CDH13: variants seen among roughly 807,000 people sequenced by gnomAD.
CDH13 encodes the protein cadherin-13.
In CDH13, 24 loss-of-function variants were observed where a neutral mutation model predicts 63.8. That is an observed-to-expected ratio of 0.38 (90% CI 0.27 to 0.53). CDH13 has a LOEUF of 0.53. Ranked by LOEUF, CDH13 falls within the 20% of genes least tolerant of loss-of-function variation. CDH13 has a pLI of 0.85. For synonymous variants in CDH13, 503 were observed against 355.3 expected, an observed-to-expected ratio of 1.42 and a Z score of -4.67; for missense variants, 1,049 against 903.1, an observed-to-expected ratio of 1.16 and a Z score of -2.07.
intron 5 of CDH13, among the ~76,000 whole-genome samples, chr16:83,315,766 A>G (rs781656302): frequency 3.9e-5 from 6 of 152,102 alleles, no homozygotes; most frequent in African/African-American, 1.4e-4. Context: ...CCATCAATTT[A>G]TATCTAAATT....
intron 5 of CDH13, among the ~76,000 whole-genome samples, chr16:83,229,466 T>C (rs1477137915): frequency 6.6e-6 from 1 of 152,178 alleles, no homozygotes; most frequent in Non-Finnish European, 1.5e-5. Context: ...CAAGTAAATA[T>C]TCTCTCTTAA....
intron 6 of CDH13, among the ~76,000 whole-genome samples, chr16:83,388,519 G>A (rs1257092640): frequency 2.6e-5 from 4 of 152,072 alleles, no homozygotes; most frequent in African/African-American, 9.7e-5. Context: ...GTTTGGAGGT[G>A]GCACCATGGG....
At chr16:83,250,575 G>A (rs1905403322) in intron 5 of CDH13, among the ~76,000 whole-genome samples, 1 of 152,130 alleles carries the variant, frequency 6.6e-6, no homozygotes, top group Non-Finnish European at 1.5e-5. Context: ...GCACTGAGAC[G>A]CACCCAGTCG....
chr16:83,592,047 A>C (rs1906809772), intron 7 of CDH13, among the ~76,000 whole-genome samples: 1 of 152,110 alleles, frequency 6.6e-6, no homozygotes, highest in Non-Finnish European at 1.5e-5. Flanking sequence ...TATAATGTCT[A>C]AGTCAACTGT....
rs1211119056 is a variant in CDH13 at position 83,783,370 on chromosome 16, C to A, written c.2032C>A (p.Gln678Lys). The A allele has an allele frequency of 6.2e-7, 1 of 1,613,804 alleles. No individual in the cohort carries two copies. Among genetic ancestry groups the A allele is most frequent in the Non-Finnish European group, 8.5e-7 (1 of 1,179,822 alleles). The change falls in exon 13 of 14, where the codon CAA (glutamine) becomes AAA (lysine). Residue 678 changes from glutamine to lysine, a missense_variant. Gln to Lys is a moderately conservative substitution (Grantham distance 53). Coordinates refer to ENST00000567109, the MANE Select transcript of CDH13 (RefSeq NM_001257.5). The stretch of plus-strand genomic sequence containing the variant: ...GACGAATATCACAGATCTCAGGGTA[C>A]AAGTGTGCTCCTGCAGGAATTCCAA... Reference protein sequence around the residue: ...PMTNITDLRVQVCSCRNSKVD... With the variant: ...PMTNITDLRVKVCSCRNSKVD...
At chr16:82,871,742 A>G (rs966684876) in intron 2 of CDH13, among the ~76,000 whole-genome samples, 3 of 152,168 alleles carry the variant, frequency 2.0e-5, no homozygotes, top group African/African-American at 7.2e-5. Flanking sequence ...CTTTGGAAAC[A>G]CTTGGATCTA....
At chr16:83,301,355 T>C (rs1055173708) in intron 5 of CDH13, among the ~76,000 whole-genome samples, 1 of 152,142 alleles carries the variant, frequency 6.6e-6, no homozygotes, top group Non-Finnish European at 1.5e-5. Flanking sequence ...GAACCGTTTA[T>C]TTCCCCAGTA....
At chr16:83,191,508 C>CATAT (rs1464187204) in intron 4 of CDH13, among the ~76,000 whole-genome samples, 1 of 70,134 alleles carries the variant, frequency 1.4e-5, no homozygotes, top group Non-Finnish European at 3.0e-5. Context: ...TATATATACA[C>CATAT]ACACACACAC....
chr16:83,036,240 C>G (rs1916843997), intron 3 of CDH13, among the ~76,000 whole-genome samples: 1 of 151,278 alleles, frequency 6.6e-6, no homozygotes, highest in African/African-American at 2.4e-5. Context: ...ACCTCCACCT[C>G]CTGGGTTCAA....
At position 82,928,140 on chromosome 16, in the gene CDH13, AT is replaced by A. The variant is rs2042362694; in HGVS notation, c.157+69668del. Among the ~76,000 whole-genome samples the A allele has an allele frequency of 2.7e-5, 4 of 145,952 alleles. No homozygotes were observed. In the South Asian group the frequency reaches 9.1e-4, roughly 33 times the overall value. On this transcript the variant is annotated intron_variant, in intron 2 of 13. Transcript: ENST00000567109. ...CTATTTGGTCATTTTTCTCCATTCA[AT>A]AATATAAAGTAGGCAGTCGTGTATG...
At chr16:82,913,752 G>A (rs1414821695) in intron 2 of CDH13, among the ~76,000 whole-genome samples, 1 of 151,998 alleles carries the variant, frequency 6.6e-6, no homozygotes. Flanking sequence ...GCCGTTCCAA[G>A]GAAGTAGTCA....
At chr16:83,691,821 C>T (rs895719015) in intron 10 of CDH13, among the ~76,000 whole-genome samples, 3 of 152,120 alleles carry the variant, frequency 2.0e-5, no homozygotes, top group South Asian at 2.1e-4. Flanking sequence ...CTAGGTTGGC[C>T]GCTTTCTGCT....
At chr16:83,437,554 G>A (rs954231359) in intron 6 of CDH13, among the ~76,000 whole-genome samples, 1 of 152,024 alleles carries the variant, frequency 6.6e-6, no homozygotes, top group Non-Finnish European at 1.5e-5. Context: ...GGACATGCCT[G>A]TAGTCCCAGC....
chr16:83,108,378 G>A (rs1426927941), intron 3 of CDH13, among the ~76,000 whole-genome samples: 1 of 152,176 alleles, frequency 6.6e-6, no homozygotes, highest in African/African-American at 2.4e-5. Flanking sequence ...AGGAAAGACT[G>A]GGCTCACAGC....
intron 2 of CDH13, among the ~76,000 whole-genome samples, chr16:82,860,390 G>A (rs190593353): frequency 2.6e-5 from 2 of 77,114 alleles, no homozygotes; most frequent in African/African-American, 1.1e-4. Context: ...TGTGTGTGTG[G>A]GGGGGGGGGC....
rs538206338 is a variant in CDH13 at position 82,866,377 on chromosome 16, C to CTTTTTTTTTTTTTTTTTTTTTTTTT, written c.157+7909_157+7933dup. ...TCTGTTTTCTTTTCTTTTTCTTCTT[C>CTTTTTTTTTTTTTTTTTTTTTTTTT]TTTTTTTTTTTTTTTTTTTTTTTTT... On this transcript the variant is annotated intron_variant, in intron 2 of 13. Coordinates refer to ENST00000567109, the MANE Select transcript of CDH13 (RefSeq NM_001257.5). Among the ~76,000 whole-genome samples, 8 of 58,322 alleles carry CTTTTTTTTTTTTTTTTTTTTTTTTT rather than the reference C, an allele frequency of 1.4e-4. 1 individual carries two copies. Among genetic ancestry groups the CTTTTTTTTTTTTTTTTTTTTTTTTT allele is most frequent in the Admixed American group, 2.7e-4 (1 of 3,758 alleles). The allele number at this position is 58,322 out of a possible 152,430, so 38.3% of individuals were successfully genotyped here. A position where few individuals can be genotyped will look rare whatever the true frequency, so the allele number is the denominator to read the frequency against.
chr16:82,712,972 C>A (rs1466003154), intron 1 of CDH13, among the ~76,000 whole-genome samples: 1 of 152,006 alleles, frequency 6.6e-6, no homozygotes, highest in Non-Finnish European at 1.5e-5. Context: ...CTCTATTGAC[C>A]CTCAGGCATG....
chr16:82,830,554 A>T (rs1157073382), intron 1 of CDH13, among the ~76,000 whole-genome samples: 1 of 152,136 alleles, frequency 6.6e-6, no homozygotes, highest in Non-Finnish European at 1.5e-5. Context: ...GAGGGGTGGG[A>T]GCGCTTAGAA....
intron 7 of CDH13, among the ~76,000 whole-genome samples, chr16:83,585,375 G>A (rs1906045559): frequency 6.6e-6 from 1 of 152,152 alleles, no homozygotes; most frequent in African/African-American, 2.4e-5. Flanking sequence ...TCTGTTTGGA[G>A]AAGGAAATCA....
Sources: gnomAD v4.1 joint callset for allele counts (sites outside exome capture counted in the v4.1 genomes callset) on GRCh38, gnomAD v4.1.1 for gene constraint, MANE v1.5 for transcripts, NCBI Gene and HGNC (gene_info 2026-07-23, HGNC 2026-07-21) for gene names.